The following DIP2B variants were observed in gnomAD, a reference collection of about 807,000 sequenced individuals.
The protein encoded by DIP2B is disco-interacting protein 2 homolog B.
A neutral mutation model predicts 198.0 loss-of-function variants in DIP2B; 76 were observed. That is an observed-to-expected ratio of 0.38 (90% CI 0.32 to 0.46). The LOEUF is 0.46. Ranked by LOEUF, DIP2B falls within the 20% of genes least tolerant of loss-of-function variation. The pLI is 0.99. For synonymous variants in DIP2B, 701 were observed against 739.1 expected (o/e 0.95, Z 0.84); for missense variants, 1,559 against 1,978.4 (o/e 0.79, Z 4.02).
chr12:50,696,147 T>C (rs1425567053), intron 16 of DIP2B, among the ~76,000 whole-genome samples, 180 bp downstream of exon 16: 1 of 152,206 alleles, frequency 6.6e-6, no homozygotes, highest in African/African-American at 2.4e-5. Flanking sequence ...GTTTAGAACA[T>C]TTTCATCACC....
chr12:50,581,087 C>T (rs777782975), intron 1 of DIP2B, among the ~76,000 whole-genome samples: 2 of 149,240 alleles, frequency 1.3e-5, no homozygotes, highest in Non-Finnish European at 1.5e-5. Context: ...TTTTAGAGGT[C>T]GCTCACTCTT....
chr12:50,512,467 A>G (rs1209205655), intron 1 of DIP2B, among the ~76,000 whole-genome samples: 1 of 152,066 alleles, frequency 6.6e-6, no homozygotes, highest in Non-Finnish European at 1.5e-5. Flanking sequence ...ATAACTCACA[A>G]CTATTTATTT....
intron 1 of DIP2B, among the ~76,000 whole-genome samples, chr12:50,521,507 T>G (rs1159520325): frequency 9.5e-5 from 14 of 147,434 alleles, no homozygotes; most frequent in Non-Finnish European, 1.9e-4. Context: ...TTTTTTTTTT[T>G]TTGAGATGGA....
intron 37 of DIP2B, 103 bp from the exon 38 acceptor site, chr12:50,744,484 T>A: frequency 6.6e-7 from 1 of 1,505,412 alleles, no homozygotes; most frequent in East Asian, 2.3e-5. Flanking sequence ...CTGGTTGGGA[T>A]TGAGGGGAGA....
intron 1 of DIP2B, among the ~76,000 whole-genome samples, chr12:50,525,535 C>T (rs1958155965): frequency 7.3e-6 from 1 of 136,986 alleles, no homozygotes; most frequent in Non-Finnish European, 1.5e-5. Context: ...TTTTTTGAGA[C>T]AGAGTCTCAC....
At chr12:50,582,544 A>G (rs1270390629) in intron 1 of DIP2B, among the ~76,000 whole-genome samples, 6 of 152,226 alleles carry the variant, frequency 3.9e-5, no homozygotes, top group Non-Finnish European at 7.3e-5. Context: ...TAAAATAAAT[A>G]CTGGCTCCAT....
At chr12:50,522,603 A>G (rs557833929) in intron 1 of DIP2B, among the ~76,000 whole-genome samples, 1 of 152,312 alleles carries the variant, frequency 6.6e-6, no homozygotes, top group African/African-American at 2.4e-5. Context: ...CGCCACACAG[A>G]TAGTGGCCCT....
At chr12:50,621,376 C>G (rs2139463376) in intron 1 of DIP2B, among the ~76,000 whole-genome samples, 1 of 152,352 alleles carries the variant, frequency 6.6e-6, no homozygotes, top group Non-Finnish European at 1.5e-5. Context: ...CGGTAAACTT[C>G]TGGTCCACTA....
At chr12:50,603,860 A>C (rs1958959528) in intron 1 of DIP2B, among the ~76,000 whole-genome samples, 2 of 152,196 alleles carry the variant, frequency 1.3e-5, no homozygotes, top group African/African-American at 4.8e-5. Flanking sequence ...TATTCACCTT[A>C]GGTGATTAAA....
At chr12:50,594,931 T>G (rs1958865659) in intron 1 of DIP2B, among the ~76,000 whole-genome samples, 1 of 152,266 alleles carries the variant, frequency 6.6e-6, no homozygotes, top group Admixed American at 6.5e-5. Flanking sequence ...GAATGACAAC[T>G]CTTAATGGGC....
chr12:50,699,078 T>C lies in DIP2B; in HGVS notation c.2201T>C (p.Ile734Thr). The change falls in exon 19 of 38, where the codon ATT (isoleucine) becomes ACT (threonine). Residue 734 changes from isoleucine (I) to threonine (T), a missense_variant. Physicochemically the swap from Ile to Thr is moderately conservative, Grantham distance 89. Transcript: ENST00000301180. The stretch of plus-strand genomic sequence containing the variant: ...TTCTGTACGTTAGGGATGATGTGCA[T>C]TGTGAAACCAGATGGACCTCCCCAG... ...GHVMPGGMMC[I>T]VKPDGPPQLC... 1 of 1,614,186 alleles carries C rather than the reference T, an allele frequency of 6.2e-7. No individual in the cohort carries two copies. The highest frequency in any genetic ancestry group is 1.3e-5 in the African/African-American group (1 of 75,060).
chr12:50,706,438 A>G (rs1939514342), intron 20 of DIP2B, 100 bp from the exon 21 acceptor site: 1 of 1,409,964 alleles, frequency 7.1e-7, no homozygotes, highest in Non-Finnish European at 9.7e-7. Flanking sequence ...TGTGTTTTTA[A>G]TACTTTTTAA....
intron 1 of DIP2B, among the ~76,000 whole-genome samples, chr12:50,606,953 G>A (rs946989163): frequency 6.6e-6 from 1 of 151,936 alleles, no homozygotes; most frequent in Non-Finnish European, 1.5e-5. Context: ...ACAAGTGTGT[G>A]TCATCACACC....
intron 1 of DIP2B, among the ~76,000 whole-genome samples, chr12:50,548,038 C>T (rs1958392876): frequency 6.6e-6 from 1 of 152,072 alleles, no homozygotes; most frequent in Admixed American, 6.6e-5. Flanking sequence ...TCCTGCACTC[C>T]AGCCTGGGCA....
intron 1 of DIP2B, among the ~76,000 whole-genome samples, chr12:50,543,066 G>C (rs943274031): frequency 1.3e-5 from 2 of 151,720 alleles, no homozygotes; most frequent in Non-Finnish European, 2.9e-5. Context: ...TAGAGATGGG[G>C]CTTCACCAAG....
At chr12:50,644,416 G>A (rs1425653785) in intron 3 of DIP2B, among the ~76,000 whole-genome samples, 2 of 152,182 alleles carry the variant, frequency 1.3e-5, no homozygotes, top group Non-Finnish European at 2.9e-5. Flanking sequence ...GACATTAAGG[G>A]AGTATTCGTA....
chr12:50,686,368 T>C (rs1592127502), intron 11 of DIP2B, among the ~76,000 whole-genome samples: 2 of 152,330 alleles, frequency 1.3e-5, no homozygotes, highest in South Asian at 2.1e-4. Flanking sequence ...TGTCAAGGCC[T>C]GGAATTAGCA....
rs989654719 is a variant in DIP2B at position 50,505,260 on chromosome 12, G to A, written c.100+20G>A. 1 of 1,480,354 alleles carries A rather than the reference G, an allele frequency of 6.8e-7. No homozygotes were observed. Among genetic ancestry groups the A allele is most frequent in the African/African-American group, 1.5e-5 (1 of 67,914 alleles). 91.7% of individuals were successfully genotyped at this position (1,480,354 alleles called of 1,614,324 possible). ...CGGAGGGTAGGAGCCGGGCCGGGGAGAGGGCGCCCGGGGCCCTGCGGATCG... is the reference window on the plus strand; with the variant it reads ...CGGAGGGTAGGAGCCGGGCCGGGGAAAGGGCGCCCGGGGCCCTGCGGATCG... On this transcript the variant is annotated intron_variant, in intron 1 of 37. Transcript: ENST00000301180.
At chr12:50,587,246 C>G (rs906508105) in intron 1 of DIP2B, among the ~76,000 whole-genome samples, 79 of 152,284 alleles carry the variant, frequency 5.2e-4, no homozygotes, top group Middle Eastern at 3.4e-3. Flanking sequence ...CCCACAAAGT[C>G]CAGGTCCCCT....
Sources: allele counts gnomAD v4.1 joint callset (sites outside exome capture counted in the v4.1 genomes callset), GRCh38; gene constraint gnomAD v4.1.1; transcripts MANE v1.5; gene names NCBI Gene and HGNC (gene_info 2026-07-23, HGNC 2026-07-21).